Variants in STAU1 observed in about 807,000 individuals in gnomAD.
STAU1 encodes double-stranded RNA-binding protein Staufen homolog 1.
A neutral mutation model predicts 62.9 loss-of-function variants in STAU1; 13 were observed. That is an observed-to-expected ratio of 0.21 (90% CI 0.13 to 0.33). STAU1 has a LOEUF of 0.33. STAU1 is among the 10% of genes least tolerant of loss of function. The probability of loss-of-function intolerance (pLI) is 1.00; values close to 1 mark genes in which losing one functional copy is unlikely to be tolerated. For synonymous variants in STAU1, 269 were observed against 265.1 expected (o/e 1.01, Z -0.14); for missense variants, 571 against 712.1 (o/e 0.80, Z 2.25).
chr20:49,149,290 A>C (rs554620144), intron 5 of STAU1, among the ~76,000 whole-genome samples: 93 of 147,444 alleles, frequency 6.3e-4, no homozygotes, highest in African/African-American at 2.1e-3. Context: ...ACACACACAC[A>C]CCAGCAAGAA....
chr20:49,174,603 C>A (rs2093636099), intron 1 of STAU1, among the ~76,000 whole-genome samples: 1 of 151,764 alleles, frequency 6.6e-6, no homozygotes, highest in South Asian at 2.1e-4. Flanking sequence ...TGCCTGTAAT[C>A]CCAGCACTTT....
intron 2 of STAU1, among the ~76,000 whole-genome samples, chr20:49,173,618 T>C (rs770726269): frequency 1.3e-5 from 2 of 152,252 alleles, no homozygotes; most frequent in African/African-American, 4.8e-5. Context: ...TACAGCAATG[T>C]GCTTTCAGCT....
Position 49,114,589 on chromosome 20 carries a change from TG to T in STAU1, c.*288del. On this transcript the variant is annotated 3_prime_UTR_variant, in exon 14 of 14. Coordinates refer to ENST00000371856, the MANE Select transcript of STAU1 (RefSeq NM_017453.4). ...GGTGCCCAGGGTGTGGATCTGCTGGTGTCCCGGGAGAACCAGCTGGCTGGGC... is the reference window on the plus strand; with the variant it reads ...GGTGCCCAGGGTGTGGATCTGCTGGTTCCCGGGAGAACCAGCTGGCTGGGC... 2.5e-6 allele frequency: 1 copy of T among 399,810 alleles called. No homozygotes were observed. The highest frequency in any genetic ancestry group is 4.5e-6 in the Non-Finnish European group (1 of 221,498). The allele number at this position is 399,810 out of a possible 1,614,324, so 24.8% of individuals were successfully genotyped here.
At chr20:49,218,229 C>CTTTT in the STAU1 span, among the ~76,000 whole-genome samples, 2 of 139,546 alleles carry the variant, frequency 1.4e-5, no homozygotes, top group African/African-American at 2.7e-5. Flanking sequence ...AAAGCCCAAT[C>CTTTT]TTTTTTTTTT....
At chr20:49,177,861 A>T (rs1227431529) in intron 1 of STAU1, among the ~76,000 whole-genome samples, 1 of 152,102 alleles carries the variant, frequency 6.6e-6, no homozygotes, top group African/African-American at 2.4e-5. Context: ...ATACTTTTAC[A>T]CAGTGATAGC....
At chr20:49,152,329 T>G (rs1249832981) in intron 4 of STAU1, among the ~76,000 whole-genome samples, 2 of 142,804 alleles carry the variant, frequency 1.4e-5, no homozygotes, top group Non-Finnish European at 3.0e-5. Context: ...TCATCATCTA[T>G]CCACTAATGT....
the STAU1 span, among the ~76,000 whole-genome samples, chr20:49,197,857 C>T: frequency 6.6e-6 from 1 of 151,916 alleles, no homozygotes; most frequent in African/African-American, 2.4e-5. Context: ...AGGTGCACAC[C>T]ACCACCGCCA....
intron 3 of STAU1, among the ~76,000 whole-genome samples, chr20:49,161,501 T>TA (rs1426785022): frequency 2.0e-5 from 3 of 152,126 alleles, no homozygotes; most frequent in Non-Finnish European, 4.4e-5. Context: ...TTCAAGAGTA[T>TA]AAAAAATAGA....
chr20:49,132,705 G>A (rs2092777294), intron 6 of STAU1, among the ~76,000 whole-genome samples: 1 of 152,140 alleles, frequency 6.6e-6, no homozygotes, highest in African/African-American at 2.4e-5. Flanking sequence ...GTTGCCATAA[G>A]CTGAGATCGT....
In STAU1 at chr20:49,141,621, G is replaced by A. The variant is rs192794786; in HGVS notation, c.511-5690C>T. 3.5e-3 allele frequency among the ~76,000 whole-genome samples: 529 copies of A among 152,284 alleles called. 5 individuals carry two copies. Among genetic ancestry groups the A allele is most frequent in the South Asian group, 0.012 (59 of 4,820 alleles). Reference sequence around the variant, plus strand: ...CAAAACACAAGGCAACGGGCCAGGCGAGGTGGCTCATGCCTGTAATCCCAG... The same window carrying A: ...CAAAACACAAGGCAACGGGCCAGGCAAGGTGGCTCATGCCTGTAATCCCAG... On this transcript the variant is annotated intron_variant, in intron 5 of 13. Transcript: ENST00000371856.
intron 8 of STAU1, among the ~76,000 whole-genome samples, chr20:49,120,541 T>C (rs2092442707): frequency 6.6e-6 from 1 of 152,180 alleles, no homozygotes; most frequent in Middle Eastern, 3.2e-3. Context: ...GGACTATTTA[T>C]ACCACAGAAA....
the STAU1 span, among the ~76,000 whole-genome samples, chr20:49,201,365 G>A: frequency 6.6e-6 from 1 of 152,144 alleles, no homozygotes; most frequent in Admixed American, 6.6e-5. Context: ...TTTGGAAAAT[G>A]TGTTTTGACT....
intron 3 of STAU1, among the ~76,000 whole-genome samples, chr20:49,162,249 AATAGGATTTGGAC>A (rs1344878392): frequency 6.6e-6 from 1 of 152,258 alleles, no homozygotes; most frequent in African/African-American, 2.4e-5. Context: ...TTACAAAGTC[AATAGGATTTGGAC>A]ACCAGAATTC....
chr20:49,195,550 AAAAAAAAAAAAGAT>A, the STAU1 span, among the ~76,000 whole-genome samples: 6 of 141,016 alleles, frequency 4.3e-5, no homozygotes, highest in East Asian at 4.3e-4. Context: ...AAAAAAAAAA[AAAAAAAAAAAAGAT>A]AGCAACAGAC....
At chr20:49,191,036 T>A (rs993113966), upstream of STAU1, among the ~76,000 whole-genome samples, 14 of 151,448 alleles carry the variant, frequency 9.2e-5, no homozygotes, top group African/African-American at 2.4e-4. Flanking sequence ...TTTAATTATT[T>A]TTTTTTTTTG....
intron 6 of STAU1, 46 bp downstream of exon 6, chr20:49,135,787 T>C: frequency 5.6e-6 from 8 of 1,439,874 alleles, no homozygotes; most frequent in Non-Finnish European, 7.8e-6. Context: ...TGATGAATGC[T>C]AACAGGATTT....
At chr20:49,121,758 AACAT>A (rs1275750189) in intron 8 of STAU1, among the ~76,000 whole-genome samples, 23 of 152,222 alleles carry the variant, frequency 1.5e-4, no homozygotes, top group African/African-American at 5.5e-4. Context: ...ATATATCTAT[AACAT>A]ACATATTCAG....
intron 5 of STAU1, among the ~76,000 whole-genome samples, chr20:49,136,430 G>A (rs1224556414): frequency 1.3e-5 from 2 of 152,162 alleles, no homozygotes; most frequent in African/African-American, 4.8e-5. Context: ...AAAGATACAT[G>A]TCCTGTCAAG....
chr20:49,175,010 T>C (rs2093641989), intron 1 of STAU1, among the ~76,000 whole-genome samples: 1 of 150,434 alleles, frequency 6.6e-6, no homozygotes, highest in South Asian at 2.1e-4. Flanking sequence ...ATACAAAAAT[T>C]AGCTGGGCGT....
Sources: allele counts gnomAD v4.1 joint callset (sites outside exome capture counted in the v4.1 genomes callset), GRCh38; gene constraint gnomAD v4.1.1; transcripts MANE v1.5; gene names NCBI Gene and HGNC (gene_info 2026-07-23, HGNC 2026-07-21).